BCAS1: variants seen among roughly 807,000 people sequenced by gnomAD.
The protein encoded by BCAS1 is brain enriched myelin associated protein 1.
Under a neutral mutation model 65.4 loss-of-function variants are expected in BCAS1, and 46 were observed. The ratio of observed to expected loss-of-function variants is 0.70; its 90% CI spans 0.55 to 0.90. BCAS1 has a LOEUF of 0.90. Among genes scored for constraint, BCAS1 ranks in the 40% least tolerant of loss-of-function variants. BCAS1 has a pLI of 0.00. For synonymous variants in BCAS1, 298 were observed against 293.5 expected, an observed-to-expected ratio of 1.02 and a Z score of -0.16; for missense variants, 793 against 771.2, an observed-to-expected ratio of 1.03 and a Z score of -0.33.
At chr20:53,987,371 G>T (rs751008856) in intron 7 of BCAS1, among the ~76,000 whole-genome samples, 1 of 152,204 alleles carries the variant, frequency 6.6e-6, no homozygotes, top group Non-Finnish European at 1.5e-5. Context: ...CAAAATGGCT[G>T]AGCTCATAAG....
At chr20:54,016,000 T>C (rs2145993088) in intron 4 of BCAS1, among the ~76,000 whole-genome samples, 1 of 152,350 alleles carries the variant, frequency 6.6e-6, no homozygotes, top group East Asian at 1.9e-4. Flanking sequence ...CAATTTGCAA[T>C]TTTTTATTCC....
At chr20:54,007,751 A>C (rs1222601542) in intron 4 of BCAS1, among the ~76,000 whole-genome samples, 1 of 152,200 alleles carries the variant, frequency 6.6e-6, no homozygotes, top group Non-Finnish European at 1.5e-5. Flanking sequence ...TGACATTAAA[A>C]AATAACATAA....
intron 4 of BCAS1, among the ~76,000 whole-genome samples, chr20:54,025,562 T>A (rs1324534998): frequency 6.6e-6 from 1 of 152,132 alleles, no homozygotes; most frequent in East Asian, 1.9e-4. Flanking sequence ...TCCCCCAGGA[T>A]GAAATGGTGG....
At chr20:54,037,790 C>A (rs1468462021) in intron 3 of BCAS1, among the ~76,000 whole-genome samples, 1 of 150,790 alleles carries the variant, frequency 6.6e-6, no homozygotes. Context: ...TTCAAACTCC[C>A]AACAACATGT....
chr20:53,958,414 G>A (rs923552331), intron 10 of BCAS1, among the ~76,000 whole-genome samples: 5 of 152,174 alleles, frequency 3.3e-5, no homozygotes, highest in African/African-American at 1.2e-4. Flanking sequence ...CCTCTTCCCA[G>A]CTAAGGGAGG....
chr20:54,036,571 T>A (rs1703262963), intron 3 of BCAS1, among the ~76,000 whole-genome samples: 1 of 151,294 alleles, frequency 6.6e-6, no homozygotes. Flanking sequence ...CCCGGGTAAG[T>A]TATTTCCTGT....
At chr20:54,009,201 C>T (rs953008908) in intron 4 of BCAS1, among the ~76,000 whole-genome samples, 4 of 152,050 alleles carry the variant, frequency 2.6e-5, no homozygotes, top group African/African-American at 9.7e-5. Context: ...TAGAAAGCCC[C>T]AGCAAAGAAA....
At position 53,993,518 on chromosome 20, in the gene BCAS1, C is replaced by T. The variant is rs192435814; in HGVS notation, c.928-872G>A. On this transcript the variant is annotated intron_variant, in intron 6 of 12. Coordinates refer to ENST00000688948, the MANE Select transcript of BCAS1 (RefSeq NM_001366298.2). ...TGACCCCACAGCTTCCTGGGCAGGA[C>T]GGTGAGATTTTATCAGCTGGGTACG... Among the ~76,000 whole-genome samples, 237 of 152,278 alleles carry T rather than the reference C, an allele frequency of 1.6e-3. 1 individual carries two copies. The highest frequency in any genetic ancestry group is 5.0e-3 in the African/African-American group (206 of 41,540).
intron 3 of BCAS1, among the ~76,000 whole-genome samples, chr20:54,030,817 T>C (rs2091783569): frequency 6.6e-6 from 1 of 151,404 alleles, no homozygotes; most frequent in Non-Finnish European, 1.5e-5. Context: ...TGCCAGCATA[T>C]TGATCTTCTA....
chr20:53,955,384 C>T (rs2089669230), intron 11 of BCAS1, among the ~76,000 whole-genome samples: 1 of 152,206 alleles, frequency 6.6e-6, no homozygotes, highest in Non-Finnish European at 1.5e-5. Flanking sequence ...TGTCCAAGTA[C>T]AATAGATATC....
intron 3 of BCAS1, among the ~76,000 whole-genome samples, chr20:54,041,051 G>A (rs80156836): frequency 0.035 from 5,311 of 151,390 alleles, 368 homozygotes; most frequent in Non-Finnish European, 0.058. Flanking sequence ...TTGGAAGCAT[G>A]GTACTAAGTG....
chr20:54,070,054 G>A lies in BCAS1; in HGVS notation c.-6+379C>T, dbSNP rs185479510. Among the ~76,000 whole-genome samples, 21 of 152,252 alleles carry A rather than the reference G, an allele frequency of 1.4e-4. No individual in the cohort carries two copies. In the East Asian group the frequency reaches 4.1e-3, roughly 29 times the overall value. ...GAGGTGAAGGCTCAGATTCCACTCG[G>A]CTATGGGGCATTCTTGCCCTGACGG... On this transcript the variant is annotated intron_variant, in intron 1 of 12. Transcript: ENST00000688948.
At chr20:54,054,194 G>A (rs1445916888) in intron 3 of BCAS1, among the ~76,000 whole-genome samples, 1 of 152,136 alleles carries the variant, frequency 6.6e-6, no homozygotes, top group Non-Finnish European at 1.5e-5. Context: ...TCCCTCCCAT[G>A]ACACGTGGGG....
chr20:54,036,684 C>T (rs1377962770), intron 3 of BCAS1, among the ~76,000 whole-genome samples: 1 of 151,236 alleles, frequency 6.6e-6, no homozygotes, highest in Non-Finnish European at 1.5e-5. Context: ...CAGTGCTTAC[C>T]ACAGGCTGGT....
chr20:54,005,777 G>T (rs2091173058), intron 4 of BCAS1, among the ~76,000 whole-genome samples: 1 of 152,166 alleles, frequency 6.6e-6, no homozygotes, highest in African/African-American at 2.4e-5. Context: ...GTTGCAAGTA[G>T]ACTCGCAGAA....
intron 3 of BCAS1, among the ~76,000 whole-genome samples, chr20:54,041,908 C>A (rs1276509984): frequency 0.022 from 1,496 of 67,240 alleles, 164 homozygotes; most frequent in East Asian, 0.044. Flanking sequence ...TCTGTCTCCC[C>A]CAAAAAAAAA....
intron 8 of BCAS1, 94 bp downstream of exon 8, chr20:53,985,193 A>G (rs1344277877): frequency 2.5e-6 from 3 of 1,220,142 alleles, no homozygotes; most frequent in Admixed American, 3.7e-5. Flanking sequence ...AACACCTTCC[A>G]TACATTGTTG....
At chr20:53,985,681 A>G (rs375801589) in intron 7 of BCAS1, among the ~76,000 whole-genome samples, 182 bp from the exon 8 acceptor site, 48 of 152,144 alleles carry the variant, frequency 3.2e-4, no homozygotes, top group Non-Finnish European at 5.9e-4. Context: ...ATCTCAGAAA[A>G]AGTTAAGATA....
intron 3 of BCAS1, among the ~76,000 whole-genome samples, chr20:54,036,620 A>G (rs1001056806): frequency 1.3e-5 from 2 of 151,320 alleles, no homozygotes; most frequent in African/African-American, 4.8e-5. Context: ...GCATGAAAAT[A>G]ACAGTGCCTC....
Sources: allele counts gnomAD v4.1 joint callset (sites outside exome capture counted in the v4.1 genomes callset), GRCh38; gene constraint gnomAD v4.1.1; transcripts MANE v1.5; gene names NCBI Gene and HGNC (gene_info 2026-07-23, HGNC 2026-07-21).